Variants in PCDHGB6 observed in about 807,000 individuals in gnomAD.
The protein encoded by PCDHGB6 is protocadherin gamma-B6.
PCDHGB6 carries 51 observed loss-of-function variants against 59.1 expected under a neutral mutation model. That is an observed-to-expected ratio of 0.86 (90% confidence interval 0.69 to 1.09). The LOEUF (loss-of-function observed/expected upper bound fraction) is 1.09. Ranked by LOEUF, PCDHGB6 falls within the 50% of genes least tolerant of loss-of-function variation. The pLI, the probability that PCDHGB6 is intolerant of heterozygous loss-of-function variation, is 0.00. For synonymous variants in PCDHGB6, 466 were observed against 495.1 expected (o/e 0.94, Z 0.78); for missense variants, 1,148 against 1,205.1 (o/e 0.95, Z 0.70).
Position 141,409,877 on chromosome 5 carries a change from G to A in PCDHGB6, c.1675G>A (p.Ala559Thr). Reference protein sequence around the residue: ...RVLVGDRNDNAPRVLYPALGP... With the variant: ...RVLVGDRNDNTPRVLYPALGP... ...GTTGGTGGGAGACCGCAATGACAAC[G>A]CACCGCGGGTGCTGTACCCAGCTCT... The change falls in exon 1 of 4, where the codon GCA (alanine) becomes ACA (threonine). Residue 559 changes from alanine to threonine, a missense_variant. Ala to Thr is a moderately conservative substitution (Grantham distance 58). Transcript: ENST00000520790. 6.2e-7 allele frequency: 1 copy of A among 1,612,860 alleles called. No homozygotes were observed. Among genetic ancestry groups the A allele is most frequent in the Non-Finnish European group, 8.5e-7 (1 of 1,179,582 alleles).
At position 141,476,994 on chromosome 5, in the gene PCDHGB6, A is replaced by T; in HGVS notation, c.2419-17813A>T. 6.2e-7 allele frequency: 1 copy of T among 1,614,260 alleles called. No individual in the cohort carries two copies. The highest frequency in any genetic ancestry group is 2.2e-5 in the East Asian group (1 of 44,884). On this transcript the variant is annotated intron_variant, in intron 1 of 3. Transcript: ENST00000520790. This position sits in a 1 kb window ranked among gnomAD's most constrained non-coding sequence, Gnocchi z 7.6. ...AGCCACAACCGCGCCGGCGTGCGGC[A>T]ACTATTCGCCTTAGACCTTGTAACC...
intron 1 of PCDHGB6, 124 bp from the exon 2 acceptor site, chr5:141,494,683 C>G: frequency 6.4e-7 from 1 of 1,569,074 alleles, no homozygotes; most frequent in Non-Finnish European, 8.7e-7. Context: ...CCCCTGCCCC[C>G]TCTTAGTCCG....
chr5:141,466,746 T>C (rs1035272591), intron 1 of PCDHGB6, among the ~76,000 whole-genome samples: 1 of 152,224 alleles, frequency 6.6e-6, no homozygotes, highest in African/African-American at 2.4e-5. Context: ...GTTACTCTGA[T>C]AGGGGCTCTT....
chr5:141,412,020 C>G (rs1158851404), intron 1 of PCDHGB6: 1 of 145,358 alleles, frequency 6.9e-6, no homozygotes, highest in Non-Finnish European at 1.5e-5. Context: ...TCTGAACATC[C>G]TGTTCTCTGT....
rs370242892 is a variant in PCDHGB6 at position 141,420,225 on chromosome 5, C to A, written c.2418+9605C>A. On this transcript the variant is annotated intron_variant, in intron 1 of 3. Coordinates refer to ENST00000520790, the MANE Select transcript of PCDHGB6 (RefSeq NM_018926.3). ...CTCAACAAAGATAGCATGCTACTGGCTAGCATTTTAACTCCCAGCGTTGAA... is the reference window on the plus strand; with the variant it reads ...CTCAACAAAGATAGCATGCTACTGGATAGCATTTTAACTCCCAGCGTTGAA... 13 of 1,603,470 alleles carry A rather than the reference C, an allele frequency of 8.1e-6. No homozygotes were observed. In the African/African-American group the frequency reaches 1.7e-4, roughly 21 times the overall value.
chr5:141,410,317 C>T lies in PCDHGB6; in HGVS notation c.2115C>T (p.Leu705=), dbSNP rs527641698. ...CCTTAATCTCAGTGCTCTTCCTCCT[C>T]GCCGTGATTCTGGCCATTGCCTTGC... The part of the protein sequence containing the change: ...ALALISVLFL[L]AVILAIALRL... Residue 705 remains leucine, a synonymous_variant, in exon 1 of 4, where the codon CTC becomes CTT. Coordinates refer to ENST00000520790, the MANE Select transcript of PCDHGB6 (RefSeq NM_018926.3). The T allele has an allele frequency of 2.7e-5, 43 of 1,614,010 alleles. No individual in the cohort carries two copies. In the East Asian group the frequency reaches 8.0e-4, roughly 30 times the overall value.
intron 2 of PCDHGB6, among the ~76,000 whole-genome samples, chr5:141,504,999 T>C (rs1278633184): frequency 6.6e-6 from 1 of 152,000 alleles, no homozygotes; most frequent in African/African-American, 2.4e-5. Context: ...CCGTCTGTAC[T>C]AAAAATACAA....
chr5:141,467,878 C>T (rs937986234), intron 1 of PCDHGB6, among the ~76,000 whole-genome samples: 8 of 151,998 alleles, frequency 5.3e-5, no homozygotes, highest in Non-Finnish European at 7.4e-5. Flanking sequence ...AGGCTGGTCT[C>T]AAACTCCTGA....
intron 1 of PCDHGB6, chr5:141,478,906 C>T: frequency 1.1e-6 from 1 of 906,534 alleles, no homozygotes; most frequent in Non-Finnish European, 1.6e-6. Context: ...GAATAAGCTG[C>T]TGGATACCTC....
chr5:141,475,343 G>A (rs1425482944), intron 1 of PCDHGB6, among the ~76,000 whole-genome samples: 1 of 152,178 alleles, frequency 6.6e-6, no homozygotes, highest in Non-Finnish European at 1.5e-5. Flanking sequence ...ATGACATCCA[G>A]TTTTAAAAGA....
chr5:141,455,093 T>C (rs2098812615), intron 1 of PCDHGB6, among the ~76,000 whole-genome samples: 1 of 152,060 alleles, frequency 6.6e-6, no homozygotes, highest in African/African-American at 2.4e-5. Context: ...ATTACAGGCT[T>C]GAGCCACTGC....
At position 141,490,960 on chromosome 5, in the gene PCDHGB6, T is replaced by G. The variant is rs1384140919; in HGVS notation, c.2419-3847T>G. 1.9e-6 allele frequency: 3 copies of G among 1,613,794 alleles called. No individual in the cohort carries two copies. In the Admixed American group the frequency reaches 5.0e-5, roughly 27 times the overall value. On this transcript the variant is annotated intron_variant, in intron 1 of 3. Transcript: ENST00000520790. The surrounding 1 kb of genome is among the most constrained non-coding windows in gnomAD (Gnocchi z 5.4). ...GCACCCACGGCCAGACTGGGAACAC[T>G]CAGCCCCCCAGCGTCTCCCTCGCTC...
In PCDHGB6 at chr5:141,432,536, G is replaced by A. The variant is rs767744134; in HGVS notation, c.2418+21916G>A. 6.2e-7 allele frequency: 1 copy of A among 1,614,050 alleles called. No individual in the cohort carries two copies. Among genetic ancestry groups the A allele is most frequent in the Non-Finnish European group, 8.5e-7 (1 of 1,180,006 alleles). On this transcript the variant is annotated intron_variant, in intron 1 of 3. Coordinates refer to ENST00000520790, the MANE Select transcript of PCDHGB6 (RefSeq NM_018926.3). This position sits in a 1 kb window ranked among gnomAD's most constrained non-coding sequence, Gnocchi z 6.0. ...CGGCTACCTGGTGACCAAGGTGGTG[G>A]CGGTGGACAGAGACTCCGGCCAGAA...
intron 1 of PCDHGB6, chr5:141,479,186 T>C (rs956575218): frequency 3.3e-5 from 5 of 152,590 alleles, no homozygotes; most frequent in Admixed American, 3.3e-4. Flanking sequence ...GCTAGAAAAT[T>C]CAGAAAATAC....
chr5:141,419,870 G>C, intron 1 of PCDHGB6: 1 of 1,614,054 alleles, frequency 6.2e-7, no homozygotes, highest in Non-Finnish European at 8.5e-7. Context: ...CTTGCAAGAG[G>C]TACTGCCGGA....
rs1562129544 is a variant in PCDHGB6 at position 141,489,362 on chromosome 5, C to G, written c.2419-5445C>G. ...TACTCAGTGGTGGAGGAGTCTGAGC[C>G]GGGGACGCTGGTGGGGAATGTTGCT... On this transcript the variant is annotated intron_variant, in intron 1 of 3. Transcript: ENST00000520790. This position sits in a 1 kb window ranked among gnomAD's most constrained non-coding sequence, Gnocchi z 4.5. 6.2e-7 allele frequency: 1 copy of G among 1,613,052 alleles called. No individual in the cohort carries two copies. Among genetic ancestry groups the G allele is most frequent in the Non-Finnish European group, 8.5e-7 (1 of 1,179,268 alleles).
At chr5:141,464,682 T>C (rs1442997972) in intron 1 of PCDHGB6, among the ~76,000 whole-genome samples, 1 of 152,132 alleles carries the variant, frequency 6.6e-6, no homozygotes, top group Non-Finnish European at 1.5e-5. Flanking sequence ...TTAATTAAAA[T>C]TTCTCTTATT....
chr5:141,470,023 G>A (rs1258101057), intron 1 of PCDHGB6, among the ~76,000 whole-genome samples: 1 of 152,110 alleles, frequency 6.6e-6, no homozygotes, highest in Admixed American at 6.6e-5. Context: ...CAGCTACTCG[G>A]GATGCTGAGG....
At position 141,477,369 on chromosome 5, in the gene PCDHGB6, A is replaced by G; in HGVS notation, c.2419-17438A>G. The G allele has an allele frequency of 6.2e-7, 1 of 1,614,164 alleles. No individual in the cohort carries two copies. Among genetic ancestry groups the G allele is most frequent in the Non-Finnish European group, 8.5e-7 (1 of 1,180,026 alleles). ...AAAACCAGTGCAGACCTGGATCGGG[A>G]GACTGTGCCAGAATACAACCTCAGC... On this transcript the variant is annotated intron_variant, in intron 1 of 3. Transcript: ENST00000520790. The surrounding 1 kb of genome is among the most constrained non-coding windows in gnomAD (Gnocchi z 4.9).
Sources: gnomAD v4.1 joint callset for allele counts (sites outside exome capture counted in the v4.1 genomes callset) on GRCh38, gnomAD v4.1.1 for gene constraint, Gnocchi (gnomAD v3.1) non-coding constraint, MANE v1.5 for transcripts, NCBI Gene and HGNC (gene_info 2026-07-23, HGNC 2026-07-21) for gene names.